Variants in XPR1 observed in about 807,000 individuals in gnomAD.
The protein encoded by XPR1 is xenotropic and polytropic retrovirus receptor 1, also known as solute carrier family 53 member 1.
XPR1 carries 28 observed loss-of-function variants against 87.5 expected under a neutral mutation model. The ratio of observed to expected loss-of-function variants is 0.32; its 90% CI spans 0.24 to 0.44. The LOEUF is 0.44. Ranked by LOEUF, XPR1 falls within the 20% of genes least tolerant of loss-of-function variation. The probability of loss-of-function intolerance (pLI) is 1.00; values close to 1 mark genes in which losing one functional copy is unlikely to be tolerated. For synonymous variants in XPR1, 300 were observed against 306.1 expected, an observed-to-expected ratio of 0.98 and a Z score of 0.21; for missense variants, 559 against 862.3, an observed-to-expected ratio of 0.65 and a Z score of 4.41.
Position 180,887,510 on chromosome 1 carries a change from A to T in XPR1, c.*3444A>T, listed in dbSNP as rs892055237. ...GGCGTAATTGGTGATTTCATAGCAT[A>T]CAGAGAAACAATGAAATCAAAGATT... On this transcript the variant is annotated 3_prime_UTR_variant, in exon 15 of 15. Coordinates refer to ENST00000367590, the MANE Select transcript of XPR1 (RefSeq NM_004736.4). 6.6e-6 allele frequency: 1 copy of T among 152,240 alleles called. No homozygotes were observed. The highest frequency in any genetic ancestry group is 2.4e-5 in the African/African-American group (1 of 41,462). The allele number at this position is 152,240 out of a possible 1,614,324, so 9.4% of individuals were successfully genotyped here.
intron 1 of XPR1, among the ~76,000 whole-genome samples, chr1:180,664,755 C>T (rs1655901863): frequency 6.6e-6 from 1 of 152,196 alleles, no homozygotes; most frequent in South Asian, 2.1e-4. Context: ...CCAGCATTCC[C>T]CGACATTTTT....
At chr1:180,810,276 TTA>T (rs1650160844) in intron 6 of XPR1, among the ~76,000 whole-genome samples, 1 of 152,052 alleles carries the variant, frequency 6.6e-6, no homozygotes. Context: ...CCTGAAAAAT[TTA>T]CTTTAAATTA....
chr1:180,847,224 A>G (rs1409843258), intron 11 of XPR1, among the ~76,000 whole-genome samples: 6 of 152,204 alleles, frequency 3.9e-5, no homozygotes, highest in Admixed American at 3.9e-4. Flanking sequence ...ACTTATGAAT[A>G]TTAGACTAAT....
intron 1 of XPR1, among the ~76,000 whole-genome samples, chr1:180,671,013 T>TA (rs1231526808): frequency 2.0e-5 from 3 of 152,092 alleles, no homozygotes; most frequent in Admixed American, 1.3e-4. Context: ...GAGGCAACAG[T>TA]AAAAAAAGGC....
At chr1:180,866,770 GATATA>G (rs146265669) in intron 12 of XPR1, among the ~76,000 whole-genome samples, 5,083 of 150,636 alleles carry the variant, frequency 0.034, 123 homozygotes, top group African/African-American at 0.07. Context: ...GAGTAATCAA[GATATA>G]ACACTATACA....
intron 11 of XPR1, among the ~76,000 whole-genome samples, chr1:180,842,066 A>G (rs921541022): frequency 1.3e-5 from 2 of 152,226 alleles, no homozygotes; most frequent in Non-Finnish European, 2.9e-5. Flanking sequence ...GACTTTAGAA[A>G]TAATCATTAA....
chr1:180,850,384 G>A (rs1651827947), intron 11 of XPR1, among the ~76,000 whole-genome samples: 1 of 151,926 alleles, frequency 6.6e-6, no homozygotes, highest in Admixed American at 6.6e-5. Flanking sequence ...CCCTTTTTAG[G>A]TTTGTTAACT....
At chr1:180,770,283 A>T (rs1398253565) in intron 2 of XPR1, among the ~76,000 whole-genome samples, 1 of 152,108 alleles carries the variant, frequency 6.6e-6, no homozygotes, top group African/African-American at 2.4e-5. Flanking sequence ...GTTATTTTTC[A>T]TGGTTCTGGA....
chr1:180,823,235 C>T (rs1650703617), intron 7 of XPR1, among the ~76,000 whole-genome samples: 2 of 130,654 alleles, frequency 1.5e-5, no homozygotes, highest in Admixed American at 7.8e-5. Context: ...AGCAAGACTC[C>T]ATCTCAAAAA....
intron 2 of XPR1, among the ~76,000 whole-genome samples, chr1:180,706,425 A>C (rs771670144): frequency 1.3e-5 from 2 of 152,226 alleles, no homozygotes; most frequent in Non-Finnish European, 2.9e-5. Context: ...AATTAGAGCC[A>C]TATGCTCCCT....
At chr1:180,738,072 C>T (rs1658786778) in intron 2 of XPR1, among the ~76,000 whole-genome samples, 3 of 152,118 alleles carry the variant, frequency 2.0e-5, no homozygotes. Flanking sequence ...AGCGCAGTGG[C>T]ACGATCTTGG....
At chr1:180,729,278 T>C (rs1658473335) in intron 2 of XPR1, among the ~76,000 whole-genome samples, 1 of 152,240 alleles carries the variant, frequency 6.6e-6, no homozygotes, top group South Asian at 2.1e-4. Context: ...GTCTTCGCTG[T>C]TGTGAATAGT....
At chr1:180,642,288 G>A (rs7536352) in intron 1 of XPR1, among the ~76,000 whole-genome samples, 6,523 of 152,210 alleles carry the variant, frequency 0.043, 498 homozygotes, top group African/African-American at 0.15. Context: ...TACATGTGTT[G>A]CCTGTACATG....
intron 11 of XPR1, among the ~76,000 whole-genome samples, chr1:180,860,277 A>G (rs1468830655): frequency 3.9e-5 from 6 of 152,160 alleles, no homozygotes; most frequent in Non-Finnish European, 7.4e-5. Context: ...GCAAAATGGT[A>G]CAATAACTCT....
chr1:180,813,926 T>C (rs1005011021), intron 7 of XPR1, among the ~76,000 whole-genome samples: 1 of 152,188 alleles, frequency 6.6e-6, no homozygotes, highest in African/African-American at 2.4e-5. Context: ...TATTTGAATA[T>C]CCATAATATT....
At chr1:180,838,844 G>T (rs572073179) in intron 11 of XPR1, among the ~76,000 whole-genome samples, 1 of 152,088 alleles carries the variant, frequency 6.6e-6, no homozygotes, top group African/African-American at 2.4e-5. Flanking sequence ...CATGTAAATT[G>T]AAATTAAATT....
chr1:180,731,472 G>T (rs1371280080), intron 2 of XPR1, among the ~76,000 whole-genome samples: 1 of 152,176 alleles, frequency 6.6e-6, no homozygotes, highest in Non-Finnish European at 1.5e-5. Context: ...ATGGTGCTGT[G>T]ATCTGGTGAG....
chr1:180,866,301 G>A (rs924871900), intron 12 of XPR1, among the ~76,000 whole-genome samples: 4 of 152,156 alleles, frequency 2.6e-5, no homozygotes, highest in Non-Finnish European at 4.4e-5. Flanking sequence ...ATCCAGTGGA[G>A]CTTCATTAAA....
chr1:180,832,055 T>C (rs1001466068), intron 9 of XPR1, among the ~76,000 whole-genome samples: 1 of 152,198 alleles, frequency 6.6e-6, no homozygotes, highest in Non-Finnish European at 1.5e-5. Context: ...CTCTCCAGCA[T>C]CTGTTGTTTC....
Sources: gnomAD v4.1 joint callset for allele counts (sites outside exome capture counted in the v4.1 genomes callset) on GRCh38, gnomAD v4.1.1 for gene constraint, MANE v1.5 for transcripts, NCBI Gene and HGNC (gene_info 2026-07-23, HGNC 2026-07-21) for gene names.